The following RNF103 variants were observed in gnomAD, a reference collection of about 807,000 sequenced individuals.
The protein encoded by RNF103 is ring finger protein 103.
A neutral mutation model predicts 66.2 loss-of-function variants in RNF103; 23 were observed. The ratio of observed to expected loss-of-function variants is 0.35; its 90% CI spans 0.25 to 0.49. RNF103 has a LOEUF of 0.49. Ranked by LOEUF, RNF103 falls within the 20% of genes least tolerant of loss-of-function variation. The pLI is 0.98. For synonymous variants in RNF103, 297 were observed against 289.9 expected (o/e 1.02, Z -0.25); for missense variants, 730 against 814.7 (o/e 0.90, Z 1.27).
intron 2 of RNF103, chr2:86,617,442 T>C: frequency 2.1e-6 from 1 of 480,366 alleles, no homozygotes; most frequent in Non-Finnish European, 2.7e-6. Context: ...TATTTCAGTA[T>C]ACTGTTATAA....
intron 3 of RNF103, among the ~76,000 whole-genome samples, chr2:86,606,404 C>T (rs916487431): frequency 6.6e-6 from 1 of 151,994 alleles, no homozygotes; most frequent in African/African-American, 2.4e-5. Flanking sequence ...GTGGCTCACA[C>T]CTGTAATCCC....
intron 3 of RNF103, among the ~76,000 whole-genome samples, chr2:86,606,390 T>C (rs553367790): frequency 1.1e-4 from 17 of 151,906 alleles, no homozygotes; most frequent in South Asian, 2.1e-4. Flanking sequence ...ACAGGCTGGG[T>C]GCAGTGGCTC....
Position 86,623,783 on chromosome 2 carries a change from C to T in RNF103, c.-897G>A. 8 of 1,282,946 alleles carry T rather than the reference C, an allele frequency of 6.2e-6. No homozygotes were observed. In the South Asian group the frequency reaches 8.7e-5, roughly 14 times the overall value. The allele number at this position is 1,282,946 out of a possible 1,614,324, so 79.5% of individuals were successfully genotyped here. On this transcript the variant is annotated 5_prime_UTR_variant, in exon 1 of 4. Transcript: ENST00000237455. ...TGCCGGTCGCAGCACCCGTCCCCAA[C>T]ACCCCCGCCACCTCCGGAGACCGCG...
In RNF103 at chr2:86,612,730, A is replaced by G. The variant is rs542123443; in HGVS notation, c.367-456T>C. 2.6e-5 allele frequency: 4 copies of G among 153,178 alleles called. No homozygotes were observed. The East Asian group carries it at 7.7e-4, about 29-fold the overall frequency. The allele number at this position is 153,178 out of a possible 1,614,324, so 9.5% of individuals were successfully genotyped here. Reference sequence around the variant, plus strand: ...ATTTCACTTTTTAAAAAGTATAATTATGGAGCCAAGAGTCAAACACATGTT... The same window carrying G: ...ATTTCACTTTTTAAAAAGTATAATTGTGGAGCCAAGAGTCAAACACATGTT... On this transcript the variant is annotated intron_variant, in intron 2 of 3. Coordinates refer to ENST00000237455, the MANE Select transcript of RNF103 (RefSeq NM_005667.4).
chr2:86,620,459 C>T lies in RNF103; in HGVS notation c.237G>A (p.Met79Ile), dbSNP rs376258678. 6.3e-7 allele frequency: 1 copy of T among 1,579,418 alleles called. No individual in the cohort carries two copies. Among genetic ancestry groups the T allele is most frequent in the Non-Finnish European group, 8.6e-7 (1 of 1,156,650 alleles). ...TGAGAGCAGAATAGAGCTCACCCTCCATCAAGTCACCTGAAGAAAGGAAAA... is the reference window on the plus strand; with the variant it reads ...TGAGAGCAGAATAGAGCTCACCCTCTATCAAGTCACCTGAAGAAAGGAAAA... ...RELVEKSGDL[M>I]EGELYSALKE... Residue 79 changes from methionine to isoleucine, a missense_variant, in exon 2 of 4, where the codon ATG becomes ATA. This residue lies in a region of RNF103 where 327 missense variants were observed against 369.8 expected (regional missense o/e 0.88). Transcript: ENST00000237455.
chr2:86,603,949 C>G lies in RNF103; in HGVS notation c.1952G>C (p.Trp651Ser), dbSNP rs1293002547. 6.2e-7 allele frequency: 1 copy of G among 1,613,990 alleles called. No homozygotes were observed. Among genetic ancestry groups the G allele is most frequent in the African/African-American group, 1.3e-5 (1 of 74,904 alleles). ...HVFHQNCIVM[W>S]LAGGRHCCPV... ...GCAACAATGTCGGCCCCCAGCCAAC[C>G]ACATCACAATGCAATTCTGATGAAA... The change falls in exon 4 of 4, where the codon TGG becomes TCG. Residue 651 changes from tryptophan to serine, a missense_variant. Transcript: ENST00000237455.
At chr2:86,616,296 T>C (rs75150024) in intron 2 of RNF103, 10,537 of 179,972 alleles carry the variant, frequency 0.059, 423 homozygotes, top group East Asian at 0.15. Flanking sequence ...AGTATTGTGC[T>C]ATGATATTTT....
At chr2:86,622,065 A>T (rs1056625859) in intron 1 of RNF103, among the ~76,000 whole-genome samples, 1 of 152,158 alleles carries the variant, frequency 6.6e-6, no homozygotes, top group Non-Finnish European at 1.5e-5. Flanking sequence ...AATATAATAT[A>T]AACTCGAACA....
chr2:86,612,282 C>CA lies in RNF103; in HGVS notation c.367-9dup. The CA allele has an allele frequency of 6.5e-7, 1 of 1,548,744 alleles. No individual in the cohort carries two copies. On this transcript the variant is annotated splice_polypyrimidine_tract_variant and intron_variant, in intron 2 of 3. Transcript: ENST00000237455. ...TCTGTCATTTGCTATGACCTATTCC[C>CA]AAAAATAGAGAAAAAGAAACTTGAA...
At position 86,617,357 on chromosome 2, in the gene RNF103, G is replaced by A. The variant is rs1679060204; in HGVS notation, c.366+2973C>T. 5.4e-6 allele frequency: 5 copies of A among 931,860 alleles called. No individual in the cohort carries two copies. In the African/African-American group the frequency reaches 8.9e-5, roughly 17 times the overall value. 57.7% of individuals were successfully genotyped at this position (931,860 alleles called of 1,614,324 possible). A position where few individuals can be genotyped will look rare whatever the true frequency, so the allele number is the denominator to read the frequency against. On this transcript the variant is annotated intron_variant, in intron 2 of 3. Coordinates refer to ENST00000237455, the MANE Select transcript of RNF103 (RefSeq NM_005667.4). ...CCCCTTACCCTCAGTTTCACTTTCT[G>A]CAGTCAACTGCAGTCCGAAAATACT...
chr2:86,611,328 C>T (rs1385824395), intron 3 of RNF103, among the ~76,000 whole-genome samples: 1 of 152,112 alleles, frequency 6.6e-6, no homozygotes, highest in East Asian at 1.9e-4. Context: ...ATCCATCTCA[C>T]CCTATATTAC....
chr2:86,604,354 C>T lies in RNF103; in HGVS notation c.1547G>A (p.Arg516Gln), dbSNP rs1212438516. ...TDYIKNLPMW[R>Q]FKCLGVQSEE... Reference sequence around the variant, plus strand: ...AGACTGGACTCCAAGACATTTAAATCGCCACATTGGTAAGTTTTTAATATA... The same window carrying T: ...AGACTGGACTCCAAGACATTTAAATTGCCACATTGGTAAGTTTTTAATATA... Residue 516 changes from arginine to glutamine, a missense_variant, in exon 4 of 4, where the codon CGA becomes CAA. Coordinates refer to ENST00000237455, the MANE Select transcript of RNF103 (RefSeq NM_005667.4). 15 of 1,614,068 alleles carry T rather than the reference C, an allele frequency of 9.3e-6. No individual in the cohort carries two copies. Among genetic ancestry groups the T allele is most frequent in the African/African-American group, 8.0e-5 (6 of 74,922 alleles).
In RNF103 at chr2:86,617,408, G is replaced by C. The variant is rs540137639; in HGVS notation, c.366+2922C>G. 41 of 595,868 alleles carry C rather than the reference G, an allele frequency of 6.9e-5. No homozygotes were observed. In the South Asian group the frequency reaches 2.5e-3, roughly 36 times the overall value. The allele number at this position is 595,868 out of a possible 1,614,324, so 36.9% of individuals were successfully genotyped here. A position where few individuals can be genotyped will look rare whatever the true frequency, so the allele number is the denominator to read the frequency against. Reference sequence around the variant, plus strand: ...ACATACAATTAGATATTCGGAGAGAGAGACACCACATTTACATAAATGTTA... The same window carrying C: ...ACATACAATTAGATATTCGGAGAGACAGACACCACATTTACATAAATGTTA... On this transcript the variant is annotated intron_variant, in intron 2 of 3. Coordinates refer to ENST00000237455, the MANE Select transcript of RNF103 (RefSeq NM_005667.4).
intron 3 of RNF103, among the ~76,000 whole-genome samples, chr2:86,607,510 T>C (rs1678620671): frequency 6.6e-6 from 1 of 152,202 alleles, no homozygotes; most frequent in Non-Finnish European, 1.5e-5. Context: ...TCTTGTTGAG[T>C]TGATTCACTA....
In RNF103 at chr2:86,605,401, C is replaced by A; in HGVS notation, c.500G>T (p.Gly167Val). 1.2e-6 allele frequency: 2 copies of A among 1,609,190 alleles called. No individual in the cohort carries two copies. The highest frequency in any genetic ancestry group is 8.5e-7 in the Non-Finnish European group (1 of 1,177,844). The change falls in exon 4 of 4, where the codon GGC (glycine) becomes GTC (valine). Residue 167 changes from glycine to valine, a missense_variant. Gly to Val is a moderately radical substitution (Grantham distance 109, BLOSUM62 -3). This residue lies in a region of RNF103 where 327 missense variants were observed against 369.8 expected (regional missense o/e 0.88). Transcript: ENST00000237455. ...SSDPRYCRRR[G>V]WVRSTLIMSV... ...CATAATGAGTGTGGATCGGACCCAG[C>A]CTCTTCTCCTGCAATATCTACAAGA...
Position 86,603,890 on chromosome 2 carries a change from G to C in RNF103, c.2011C>G (p.Gln671Glu), listed in dbSNP as rs1434503077. The C allele has an allele frequency of 3.1e-6, 5 of 1,613,948 alleles. No homozygotes were observed. Among genetic ancestry groups the C allele is most frequent in the Non-Finnish European group, 3.4e-6 (4 of 1,179,994 alleles). Residue 671 changes from glutamine to glutamate, a missense_variant, in exon 4 of 4, where the codon CAG (glutamine) becomes GAG (glutamate). Physicochemically the swap from Gln to Glu is conservative, Grantham distance 29. This residue lies in a region of RNF103 where 355 missense variants were observed against 351.9 expected (regional missense o/e 1.01). Coordinates refer to ENST00000237455, the MANE Select transcript of RNF103 (RefSeq NM_005667.4). ...AAGGGCTGGTGTTGTGCATATGGCT[G>C]CTTTTTTTTATAAGAAGGCCACCGG... Reference protein sequence around the residue: ...VCRWPSYKKKQPYAQHQPLSN... With the variant: ...VCRWPSYKKKEPYAQHQPLSN...
At chr2:86,610,778 T>C (rs1358702626) in intron 3 of RNF103, among the ~76,000 whole-genome samples, 1 of 152,148 alleles carries the variant, frequency 6.6e-6, no homozygotes, top group East Asian at 1.9e-4. Flanking sequence ...TGTTCTAGTA[T>C]TGTAAAAATC....
chr2:86,623,103 C>A lies in RNF103; in HGVS notation c.-217G>T. On this transcript the variant is annotated 5_prime_UTR_variant, in exon 1 of 4. It adds an upstream start codon to the 5' untranslated region. Transcript: ENST00000237455. ...GACGAGGGACGCAGAGACGCAGAGC[C>A]TCGCGCCGGGCCTCCCAGTCAAGAG... The A allele has an allele frequency of 8.0e-7, 1 of 1,256,676 alleles. No individual in the cohort carries two copies. Among genetic ancestry groups the A allele is most frequent in the Non-Finnish European group, 1.0e-6 (1 of 1,004,598 alleles). 77.8% of individuals were successfully genotyped at this position (1,256,676 alleles called of 1,614,324 possible). A position where few individuals can be genotyped will look rare whatever the true frequency, so the allele number is the denominator to read the frequency against.
At chr2:86,607,336 G>A (rs1485116196) in intron 3 of RNF103, among the ~76,000 whole-genome samples, 1 of 152,142 alleles carries the variant, frequency 6.6e-6, no homozygotes, top group South Asian at 2.1e-4. Flanking sequence ...CTTGACGTAG[G>A]TAGCATATGG....
Sources: gnomAD v4.1 joint callset for allele counts (sites outside exome capture counted in the v4.1 genomes callset) on GRCh38, gnomAD v4.1.1 for gene constraint, gnomAD v4.1.1 regional missense constraint, MANE v1.5 for transcripts, NCBI Gene and HGNC (gene_info 2026-07-23, HGNC 2026-07-21) for gene names.